Variants in FNDC3B observed in about 807,000 individuals in gnomAD.
FNDC3B encodes the protein fibronectin type III domain containing 3B.
A neutral mutation model predicts 151.5 loss-of-function variants in FNDC3B; 12 were observed. That is an observed-to-expected ratio of 0.08 (90% CI 0.05 to 0.13). The LOEUF is 0.13. Among genes scored for constraint, FNDC3B ranks in the 10% least tolerant of loss-of-function variants. The pLI is 1.00. For synonymous variants in FNDC3B, 528 were observed against 549.0 expected (o/e 0.96, Z 0.54); for missense variants, 1,214 against 1,505.3 (o/e 0.81, Z 3.20).
At chr3:172,070,024 A>G (rs1717689399) in intron 1 of FNDC3B, among the ~76,000 whole-genome samples, 2 of 152,118 alleles carry the variant, frequency 1.3e-5, no homozygotes, top group Admixed American at 1.3e-4. Flanking sequence ...AAATAAAGGG[A>G]GAAGTCAAGC....
At chr3:172,200,274 G>C (rs1725078769) in intron 3 of FNDC3B, among the ~76,000 whole-genome samples, 1 of 152,230 alleles carries the variant, frequency 6.6e-6, no homozygotes, top group Admixed American at 6.5e-5. Context: ...GAGGAGAAGA[G>C]AACGGGGAAA....
intron 23 of FNDC3B, among the ~76,000 whole-genome samples, chr3:172,374,542 G>A (rs902965037): frequency 6.6e-6 from 1 of 152,092 alleles, no homozygotes; most frequent in Middle Eastern, 3.4e-3. Context: ...CTACAGGCAC[G>A]CATCACCACG....
At chr3:172,171,538 G>A (rs973971407) in intron 3 of FNDC3B, among the ~76,000 whole-genome samples, 2 of 151,972 alleles carry the variant, frequency 1.3e-5, no homozygotes, top group Admixed American at 1.3e-4. Context: ...TGGGGTTGGG[G>A]GAGGTTTAGA....
At chr3:172,128,086 T>A (rs933461228) in intron 2 of FNDC3B, among the ~76,000 whole-genome samples, 1 of 152,268 alleles carries the variant, frequency 6.6e-6, no homozygotes, top group African/African-American at 2.4e-5. Flanking sequence ...ATTTGCCATG[T>A]ATCCTACGGG....
At chr3:172,330,789 A>C in intron 13 of FNDC3B, 74 bp downstream of exon 13, 4 of 1,197,000 alleles carry the variant, frequency 3.3e-6, no homozygotes, top group Non-Finnish European at 4.7e-6. Flanking sequence ...GGCACCATGA[A>C]ATTAGATTAA....
intron 1 of FNDC3B, among the ~76,000 whole-genome samples, chr3:172,050,352 T>G (rs774557288): frequency 6.6e-6 from 1 of 152,076 alleles, no homozygotes; most frequent in Non-Finnish European, 1.5e-5. Flanking sequence ...AAGGGTGTGA[T>G]AGTAATGTGT....
intron 6 of FNDC3B, among the ~76,000 whole-genome samples, chr3:172,253,061 G>A (rs930630612): frequency 5.3e-5 from 8 of 152,112 alleles, no homozygotes; most frequent in South Asian, 4.1e-4. Context: ...ATTTTTATCC[G>A]AAGAAAAACG....
At chr3:172,320,199 G>A (rs1283265225) in intron 11 of FNDC3B, among the ~76,000 whole-genome samples, 1 of 152,004 alleles carries the variant, frequency 6.6e-6, no homozygotes, top group Non-Finnish European at 1.5e-5. Flanking sequence ...GACCAACATG[G>A]TGAAACCCTG....
In FNDC3B at chr3:172,378,333, A is replaced by G. The variant is rs370855196; in HGVS notation, c.3072A>G (p.Thr1024=). The G allele has an allele frequency of 3.1e-6, 5 of 1,613,860 alleles. No homozygotes were observed. The highest frequency in any genetic ancestry group is 1.3e-5 in the African/African-American group (1 of 74,904). The part of the protein sequence containing the change: ...TYKVQRLTEF[T]CYSFRIQAAS... Reference sequence around the variant, plus strand: ...AGGTCCAGAGACTGACGGAATTCACATGCTACTCCTTCAGAATCCAGGCAG... The same window carrying G: ...AGGTCCAGAGACTGACGGAATTCACGTGCTACTCCTTCAGAATCCAGGCAG... Residue 1024 remains threonine (T), a synonymous_variant, in exon 24 of 26, where the codon ACA becomes ACG. Coordinates refer to ENST00000415807, the MANE Select transcript of FNDC3B (RefSeq NM_022763.4).
intron 3 of FNDC3B, among the ~76,000 whole-genome samples, chr3:172,162,309 C>T (rs1722818980): frequency 6.6e-6 from 1 of 152,124 alleles, no homozygotes; most frequent in Non-Finnish European, 1.5e-5. Flanking sequence ...GTACTTGTAG[C>T]ATGTGTCAGT....
intron 1 of FNDC3B, among the ~76,000 whole-genome samples, chr3:172,097,720 A>G (rs1371943664): frequency 6.6e-6 from 1 of 152,198 alleles, no homozygotes; most frequent in Non-Finnish European, 1.5e-5. Context: ...AAATTGCACT[A>G]AGCATTCTAT....
At chr3:172,331,397 A>G (rs12638847) in intron 13 of FNDC3B, among the ~76,000 whole-genome samples, 51,998 of 151,934 alleles carry the variant, frequency 0.34, 9,324 homozygotes, top group East Asian at 0.62. Flanking sequence ...TTGCTCTGTC[A>G]CCCAGGCTGG....
intron 6 of FNDC3B, among the ~76,000 whole-genome samples, chr3:172,281,215 A>ATATTTATT (rs56357726): frequency 2.5e-3 from 327 of 132,472 alleles, no homozygotes; most frequent in Middle Eastern, 0.011. Context: ...ATTATTATTT[A>ATATTTATT]TATTTATTTA....
At chr3:172,181,498 TG>T (rs1183790044) in intron 3 of FNDC3B, among the ~76,000 whole-genome samples, 1 of 150,598 alleles carries the variant, frequency 6.6e-6, no homozygotes, top group Non-Finnish European at 1.5e-5. Flanking sequence ...CTTTCTCTCC[TG>T]ATTTCCCTTA....
intron 1 of FNDC3B, among the ~76,000 whole-genome samples, chr3:172,063,746 A>G (rs527642247): frequency 1.3e-5 from 2 of 152,298 alleles, no homozygotes; most frequent in African/African-American, 4.8e-5. Flanking sequence ...GAGTAGGACC[A>G]TCTCTAATGC....
intron 4 of FNDC3B, among the ~76,000 whole-genome samples, chr3:172,229,115 ACACACACACACACACACACAC>A (rs1560028709): frequency 7.9e-5 from 12 of 151,312 alleles, no homozygotes; most frequent in South Asian, 2.1e-4. Flanking sequence ...ACACACACAC[ACACACACACACACACACACAC>A]AATCTCCTGC....
chr3:172,043,096 T>C (rs1451753745), intron 1 of FNDC3B, among the ~76,000 whole-genome samples: 1 of 151,980 alleles, frequency 6.6e-6, no homozygotes. Context: ...TTGTATTTTT[T>C]AGTAGAGACG....
At chr3:172,164,562 T>A (rs888151450) in intron 3 of FNDC3B, among the ~76,000 whole-genome samples, 2 of 152,210 alleles carry the variant, frequency 1.3e-5, no homozygotes, top group African/African-American at 4.8e-5. Flanking sequence ...TTAATAGTAA[T>A]GTAAAACAAA....
At chr3:172,201,588 G>C (rs373168621) in intron 3 of FNDC3B, among the ~76,000 whole-genome samples, 1 of 152,120 alleles carries the variant, frequency 6.6e-6, no homozygotes, top group Non-Finnish European at 1.5e-5. Context: ...TCTAAGCAAA[G>C]CAATGGGAAT....
Sources: gnomAD v4.1 joint callset for allele counts (sites outside exome capture counted in the v4.1 genomes callset) on GRCh38, gnomAD v4.1.1 for gene constraint, MANE v1.5 for transcripts, NCBI Gene and HGNC (gene_info 2026-07-23, HGNC 2026-07-21) for gene names.